Variants in DBT observed in about 807,000 individuals in gnomAD.
DBT encodes lipoamide acyltransferase component of branched-chain alpha-keto acid dehydrogenase complex, mitochondrial.
DBT carries 40 observed loss-of-function variants against 51.3 expected under a neutral mutation model. The observed-to-expected ratio is 0.78, with a 90% CI of 0.61 to 1.02. The LOEUF (loss-of-function observed/expected upper bound fraction) is 1.02, where lower values mean the gene tolerates loss of function less well. Ranked by LOEUF, DBT falls within the 50% of genes least tolerant of loss-of-function variation. The pLI is 0.00. For synonymous variants in DBT, 181 were observed against 190.4 expected, an observed-to-expected ratio of 0.95 and a Z score of 0.41; for missense variants, 510 against 580.2, an observed-to-expected ratio of 0.88 and a Z score of 1.24.
chr1:100,220,025 G>T (rs370481694), intron 4 of DBT, among the ~76,000 whole-genome samples: 3 of 152,022 alleles, frequency 2.0e-5, no homozygotes, highest in African/African-American at 7.2e-5. Flanking sequence ...TGTGCCTGTA[G>T]TTCCAGCTAC....
At chr1:100,224,554 G>A (rs4143059) in intron 4 of DBT, among the ~76,000 whole-genome samples, 120,609 of 151,810 alleles carry the variant, frequency 0.79, 49,268 homozygotes, top group East Asian at 0.95. Context: ...ATTGTTTAAA[G>A]CATATTATGA....
At chr1:100,218,847 T>A in intron 4 of DBT, 100 bp from the exon 5 acceptor site, 1 of 868,604 alleles carries the variant, frequency 1.2e-6, no homozygotes, top group Non-Finnish European at 1.8e-6. Context: ...AATATCTAAA[T>A]AAATTAAAGT....
At chr1:100,228,922 C>T (rs868706959) in intron 4 of DBT, among the ~76,000 whole-genome samples, 1 of 152,086 alleles carries the variant, frequency 6.6e-6, no homozygotes, top group African/African-American at 2.4e-5. Flanking sequence ...TACACGAATG[C>T]ATTGAGTGTG....
chr1:100,205,282 A>C (rs1210112637), intron 10 of DBT, among the ~76,000 whole-genome samples: 2 of 152,214 alleles, frequency 1.3e-5, no homozygotes, highest in African/African-American at 4.8e-5. Context: ...AACCCATCAT[A>C]AAGTGGGCGA....
intron 7 of DBT, among the ~76,000 whole-genome samples, chr1:100,213,902 A>G (rs961546790): frequency 9.9e-5 from 15 of 150,948 alleles, no homozygotes; most frequent in Non-Finnish European, 1.6e-4. Flanking sequence ...GCAGTCTTCA[A>G]TTTGAGAAAG....
rs1213316591 is a variant in DBT at position 100,189,702 on chromosome 1, G to T, written c.*6553C>A. 6.6e-6 allele frequency: 1 copy of T among 152,160 alleles called. No individual in the cohort carries two copies. Among genetic ancestry groups the T allele is most frequent in the East Asian group, 1.9e-4 (1 of 5,204 alleles). 9.4% of individuals were successfully genotyped at this position (152,160 alleles called of 1,614,324 possible). On this transcript the variant is annotated 3_prime_UTR_variant, in exon 11 of 11. Transcript: ENST00000370132. ...AGACAGGAAATTTATTCATTTAGTG[G>T]CAGTCAGAGGTAACAATATAAGAAA...
intron 7 of DBT, among the ~76,000 whole-genome samples, chr1:100,212,654 C>T (rs1662223667): frequency 6.6e-6 from 1 of 152,184 alleles, no homozygotes; most frequent in African/African-American, 2.4e-5. Context: ...GCACTCAATG[C>T]ACTGAGATAA....
At chr1:100,204,756 G>C (rs952635129) in intron 10 of DBT, among the ~76,000 whole-genome samples, 3 of 152,062 alleles carry the variant, frequency 2.0e-5, no homozygotes, top group Non-Finnish European at 4.4e-5. Context: ...CCAAAACAGA[G>C]AGATAGACCA....
chr1:100,207,009 G>T (rs1485788711), intron 8 of DBT, among the ~76,000 whole-genome samples: 1 of 152,138 alleles, frequency 6.6e-6, no homozygotes, highest in Non-Finnish European at 1.5e-5. Flanking sequence ...AACCTGGGAG[G>T]TGGAGGTTGC....
intron 8 of DBT, among the ~76,000 whole-genome samples, chr1:100,207,463 C>G (rs543526430): frequency 6.6e-6 from 1 of 151,966 alleles, no homozygotes; most frequent in South Asian, 2.1e-4. Context: ...GTTGTTGAAA[C>G]AGTTCTCATT....
At chr1:100,232,250 T>C (rs1247055761) in intron 3 of DBT, among the ~76,000 whole-genome samples, 1 of 152,050 alleles carries the variant, frequency 6.6e-6, no homozygotes, top group East Asian at 1.9e-4. Flanking sequence ...TTAGTTTTGA[T>C]GGGTTTATGA....
intron 10 of DBT, among the ~76,000 whole-genome samples, chr1:100,199,812 C>G (rs1211125725): frequency 6.6e-6 from 1 of 152,174 alleles, no homozygotes; most frequent in Non-Finnish European, 1.5e-5. Flanking sequence ...ACTCCCTCCC[C>G]TAGCCAAGGG....
In DBT at chr1:100,214,923, T is replaced by C. The variant is rs1662392768; in HGVS notation, c.833A>G (p.Tyr278Cys). The change falls in exon 7 of 11, where the codon TAT becomes TGT. Residue 278 changes from tyrosine (Y) to cysteine (C), a missense_variant. Transcript: ENST00000370132. ...TTCAGTAAGGTCAATCTCATCACAA[T>C]AACCAAAATGAGGTATCTTCAGGGC... ...SAALKIPHFG[Y>C]CDEIDLTELV... 1.9e-6 allele frequency: 3 copies of C among 1,613,264 alleles called. No individual in the cohort carries two copies. In the African/African-American group the frequency reaches 4.0e-5, roughly 22 times the overall value.
Position 100,194,338 on chromosome 1 carries a change from G to GTT in DBT, c.*1915_*1916dup, listed in dbSNP as rs745306619. On this transcript the variant is annotated 3_prime_UTR_variant, in exon 11 of 11. Coordinates refer to ENST00000370132, the MANE Select transcript of DBT (RefSeq NM_001918.5). ...GCACACCACCACACTTGGCTTTTTG[G>GTT]TTTTTTTTTTTTTTTCTGAGACAAA... 1.3e-4 allele frequency: 18 copies of GTT among 137,364 alleles called. No homozygotes were observed. Among genetic ancestry groups the GTT allele is most frequent in the East Asian group, 2.1e-4 (1 of 4,760 alleles). The allele number at this position is 137,364 out of a possible 1,614,324, so 8.5% of individuals were successfully genotyped here.
intron 4 of DBT, among the ~76,000 whole-genome samples, chr1:100,222,859 C>T (rs972073477): frequency 6.6e-6 from 1 of 152,148 alleles, no homozygotes; most frequent in Non-Finnish European, 1.5e-5. Flanking sequence ...CTTCATGGCC[C>T]AGTGTACCTA....
At chr1:100,225,081 AC>A in intron 4 of DBT, among the ~76,000 whole-genome samples, 1 of 145,470 alleles carries the variant, frequency 6.9e-6, no homozygotes, top group African/African-American at 2.5e-5. Flanking sequence ...ACACACACAC[AC>A]ACACACACAC....
rs1339832057 is a variant in DBT at position 100,190,784 on chromosome 1, T to C, written c.*5471A>G. On this transcript the variant is annotated 3_prime_UTR_variant, in exon 11 of 11. Transcript: ENST00000370132. ...AGGAGAGAAATTCAAGGTTCTTAGA[T>C]TGAATCACTTTGTCTGCTCTGAGGT... 1.3e-5 allele frequency: 2 copies of C among 152,204 alleles called. No homozygotes were observed. The highest frequency in any genetic ancestry group is 2.4e-5 in the African/African-American group (1 of 41,444). The allele number at this position is 152,204 out of a possible 1,614,324, so 9.4% of individuals were successfully genotyped here. A position where few individuals can be genotyped will look rare whatever the true frequency, so the allele number is the denominator to read the frequency against.
rs1438069100 is a variant in DBT at position 100,192,653 on chromosome 1, A to G, written c.*3602T>C. 6.6e-6 allele frequency: 1 copy of G among 152,220 alleles called. No homozygotes were observed. Among genetic ancestry groups the G allele is most frequent in the East Asian group, 1.9e-4 (1 of 5,198 alleles). The allele number at this position is 152,220 out of a possible 1,614,324, so 9.4% of individuals were successfully genotyped here. On this transcript the variant is annotated 3_prime_UTR_variant, in exon 11 of 11. Transcript: ENST00000370132. ...GAGCTATCACTTTCACTCTTTCTAC[A>G]TAATCACTTCTTACATAGGTTTCAA...
intron 1 of DBT, among the ~76,000 whole-genome samples, chr1:100,243,878 T>C (rs72975909): frequency 0.034 from 5,057 of 150,616 alleles, 312 homozygotes; most frequent in African/African-American, 0.12. Context: ...AGCATGGACA[T>C]GCATGCTCTA....
Sources: gnomAD v4.1 joint callset for allele counts (sites outside exome capture counted in the v4.1 genomes callset) on GRCh38, gnomAD v4.1.1 for gene constraint, MANE v1.5 for transcripts, NCBI Gene and HGNC (gene_info 2026-07-23, HGNC 2026-07-21) for gene names.